DPYD: variants seen among roughly 807,000 people sequenced by gnomAD.
DPYD encodes the protein dihydropyrimidine dehydrogenase [NADP(+)].
DPYD carries 109 observed loss-of-function variants against 116.2 expected under a neutral mutation model. That is an observed-to-expected ratio of 0.94 (90% CI 0.80 to 1.10). DPYD has a LOEUF of 1.10. Among genes scored for constraint, DPYD ranks in the 50% least tolerant of loss-of-function variants. The pLI, the probability that DPYD is intolerant of heterozygous loss-of-function variation, is 0.00. For missense variants in DPYD, 1,302 were observed against 1,254.5 expected, an observed-to-expected ratio of 1.04 and a Z score of -0.57; for synonymous variants, 440 against 432.0, an observed-to-expected ratio of 1.02 and a Z score of -0.23.
chr1:97,500,030 A>G (rs1679487400), intron 13 of DPYD, among the ~76,000 whole-genome samples: 1 of 151,990 alleles, frequency 6.6e-6, no homozygotes, highest in Admixed American at 6.6e-5. Context: ...ATATTCTCCA[A>G]TGGATTCATT....
chr1:97,700,330 G>A (rs1255871237), intron 5 of DPYD: 1 of 454,040 alleles, frequency 2.2e-6, no homozygotes, highest in South Asian at 1.6e-5. Context: ...ACAGAAGAGT[G>A]AGATTAATTC....
rs1176088390 is a variant in DPYD, at chr1:97,120,819, GA to G, written c.2623-22188del. 2.0e-5 allele frequency among the ~76,000 whole-genome samples: 3 copies of G among 152,166 alleles called. No individual in the cohort carries two copies. In the East Asian group the frequency reaches 5.8e-4, roughly 29 times the overall value. On this transcript the variant is annotated intron_variant, in intron 20 of 22. Transcript: ENST00000370192. ...AAGAAATATGGAGGGTCTTTAGCGAGAAAATAATCTGGGACCACAGTGTTAG... is the reference window on the plus strand; with the variant it reads ...AAGAAATATGGAGGGTCTTTAGCGAGAAATAATCTGGGACCACAGTGTTAG...
chr1:97,576,777 C>G (rs555501339), intron 10 of DPYD, among the ~76,000 whole-genome samples: 2 of 152,266 alleles, frequency 1.3e-5, no homozygotes, highest in South Asian at 4.1e-4. Context: ...CGACAGTGCA[C>G]TGGGGATGGC....
chr1:97,669,514 T>A (rs1178127480), intron 8 of DPYD, among the ~76,000 whole-genome samples: 2 of 152,168 alleles, frequency 1.3e-5, no homozygotes, highest in East Asian at 1.9e-4. Context: ...GAAAAACTGA[T>A]TTGATATAAA....
chr1:97,750,129 T>C (rs1053990551), intron 3 of DPYD, among the ~76,000 whole-genome samples: 2 of 152,122 alleles, frequency 1.3e-5, no homozygotes, highest in Admixed American at 6.5e-5. Flanking sequence ...TTTTCATAGA[T>C]GCCCTAGAAG....
intron 21 of DPYD, among the ~76,000 whole-genome samples, chr1:97,092,508 C>T (rs1305093197): frequency 5.9e-5 from 9 of 152,132 alleles, no homozygotes; most frequent in African/African-American, 1.7e-4. Context: ...TTATCCTTCT[C>T]TTTCTTTGAT....
chr1:97,913,168 C>A (rs112452496), intron 1 of DPYD, among the ~76,000 whole-genome samples: 2 of 151,908 alleles, frequency 1.3e-5, no homozygotes, highest in Non-Finnish European at 2.9e-5. Flanking sequence ...TATTCTCAGG[C>A]GAAATTTAGA....
chr1:97,108,154 C>T lies in DPYD; in HGVS notation c.2623-9522G>A, dbSNP rs149690570. ...TATACTTCATCTTCAAGAAGCAATGCCCCATGGGAGGCATCTTGCTGGGGG... is the reference window on the plus strand; with the variant it reads ...TATACTTCATCTTCAAGAAGCAATGTCCCATGGGAGGCATCTTGCTGGGGG... On this transcript the variant is annotated intron_variant, in intron 20 of 22. Transcript: ENST00000370192. Among the ~76,000 whole-genome samples the T allele has an allele frequency of 1.1e-3, 164 of 152,194 alleles. 1 individual carries two copies. The highest frequency in any genetic ancestry group is 3.7e-3 in the African/African-American group (154 of 41,544).
intron 20 of DPYD, among the ~76,000 whole-genome samples, chr1:97,126,744 C>A (rs191662577): frequency 6.6e-6 from 1 of 152,114 alleles, no homozygotes; most frequent in African/African-American, 2.4e-5. Context: ...CAAATACATT[C>A]GTTGAGTAAA....
At chr1:97,575,315 C>A (rs34961061) in intron 10 of DPYD, among the ~76,000 whole-genome samples, 1 of 151,894 alleles carries the variant, frequency 6.6e-6, no homozygotes, top group Non-Finnish European at 1.5e-5. Flanking sequence ...AGAAAAAAAT[C>A]CTCAGATATC....
chr1:97,378,452 C>G (rs1185507597), intron 15 of DPYD, among the ~76,000 whole-genome samples: 1 of 152,120 alleles, frequency 6.6e-6, no homozygotes, highest in East Asian at 1.9e-4. Context: ...TTGGCCCCGC[C>G]AGGAATAGTG....
At chr1:97,202,119 AAG>A (rs1337112819) in intron 19 of DPYD, among the ~76,000 whole-genome samples, 1 of 152,160 alleles carries the variant, frequency 6.6e-6, no homozygotes, top group African/African-American at 2.4e-5. Flanking sequence ...TTGGGAAAAA[AAG>A]AACAACAAAC....
intron 3 of DPYD, among the ~76,000 whole-genome samples, chr1:97,756,747 T>A (rs540132467): frequency 3.9e-5 from 6 of 152,316 alleles, no homozygotes; most frequent in African/African-American, 7.2e-5. Flanking sequence ...GAGGTGTTGT[T>A]AAAGTTCTAT....
At chr1:97,794,086 C>T (rs937580314) in intron 3 of DPYD, among the ~76,000 whole-genome samples, 10 of 151,954 alleles carry the variant, frequency 6.6e-5, no homozygotes, top group Admixed American at 2.0e-4. Context: ...TACAGGCATG[C>T]GCCACTATGC....
At chr1:97,235,485 G>T (rs953390758) in intron 18 of DPYD, among the ~76,000 whole-genome samples, 1 of 152,040 alleles carries the variant, frequency 6.6e-6, no homozygotes, top group South Asian at 2.1e-4. Flanking sequence ...TTAACCAGGC[G>T]TGGTGGCAGG....
At chr1:97,572,108 A>C (rs1652942910) in intron 11 of DPYD, among the ~76,000 whole-genome samples, 1 of 151,992 alleles carries the variant, frequency 6.6e-6, no homozygotes, top group Admixed American at 6.6e-5. Context: ...AATAGCGAAG[A>C]AACATTTTTT....
At chr1:97,079,203 C>T in intron 22 of DPYD, 57 bp from the exon 23 acceptor site, 1 of 1,595,768 alleles carries the variant, frequency 6.3e-7, no homozygotes, top group Non-Finnish European at 8.6e-7. Context: ...AACAATGTCC[C>T]CATTTTAGCG....
intron 3 of DPYD, among the ~76,000 whole-genome samples, chr1:97,740,903 G>A (rs1664228365): frequency 6.6e-6 from 1 of 152,106 alleles, no homozygotes; most frequent in African/African-American, 2.4e-5. Flanking sequence ...TTTACCACTT[G>A]AAATATCCTT....
At chr1:97,288,194 G>C (rs1665865550) in intron 18 of DPYD, among the ~76,000 whole-genome samples, 1 of 150,646 alleles carries the variant, frequency 6.6e-6, no homozygotes, top group Non-Finnish European at 1.5e-5. Context: ...AGCAAGTCCT[G>C]AGTGACCTAC....
Sources: allele counts gnomAD v4.1 joint callset (sites outside exome capture counted in the v4.1 genomes callset), GRCh38; gene constraint gnomAD v4.1.1; transcripts MANE v1.5; gene names NCBI Gene and HGNC (gene_info 2026-07-23, HGNC 2026-07-21).